Variants in NALF1 observed in about 807,000 individuals in gnomAD.
The protein encoded by NALF1 is NALCN channel auxiliary factor 1, also known as family with sequence similarity 155 member A.
NALF1 carries 3 observed loss-of-function variants against 48.4 expected under a neutral mutation model. That is an observed-to-expected ratio of 0.06 (90% CI 0.03 to 0.16). The LOEUF (loss-of-function observed/expected upper bound fraction) is 0.16, where lower values mean the gene tolerates loss of function less well. Ranked by LOEUF, NALF1 falls within the 10% of genes least tolerant of loss-of-function variation. The pLI is 1.00. For missense variants in NALF1, 526 were observed against 571.5 expected (o/e 0.92, Z 0.81); for synonymous variants, 262 against 245.7 (o/e 1.07, Z -0.62).
At chr13:107,848,308 C>T (rs908234255) in intron 1 of NALF1, among the ~76,000 whole-genome samples, 4 of 152,076 alleles carry the variant, frequency 2.6e-5, no homozygotes, top group African/African-American at 9.7e-5. Context: ...TTTTAATATA[C>T]GCATGAAAAT....
In NALF1 at chr13:107,476,758, T is replaced by C. The variant is rs552827167; in HGVS notation, c.916-266003A>G. On this transcript the variant is annotated intron_variant, in intron 1 of 2. Coordinates refer to ENST00000375915, the MANE Select transcript of NALF1 (RefSeq NM_001080396.3). Reference sequence around the variant, plus strand: ...TATAGATTTATATGGGAATCCTTAATGGACTCACCTAGTAGAAATTCTCTG... The same window carrying C: ...TATAGATTTATATGGGAATCCTTAACGGACTCACCTAGTAGAAATTCTCTG... Among the ~76,000 whole-genome samples the C allele has an allele frequency of 7.9e-5, 12 of 152,198 alleles. No homozygotes were observed. The South Asian group carries it at 2.5e-3, about 32-fold the overall frequency.
intron 1 of NALF1, among the ~76,000 whole-genome samples, chr13:107,232,893 G>A (rs576334816): frequency 6.6e-6 from 1 of 152,314 alleles, no homozygotes; most frequent in East Asian, 1.9e-4. Context: ...AGTAGGCAGT[G>A]TTGCTTTCCC....
At chr13:107,410,421 T>G (rs1353236477) in intron 1 of NALF1, among the ~76,000 whole-genome samples, 1 of 152,136 alleles carries the variant, frequency 6.6e-6, no homozygotes, top group Non-Finnish European at 1.5e-5. Flanking sequence ...AAACCAAGAA[T>G]CCGTACCTTC....
At chr13:107,425,230 T>G (rs1360439541) in intron 1 of NALF1, among the ~76,000 whole-genome samples, 3 of 152,162 alleles carry the variant, frequency 2.0e-5, no homozygotes, top group African/African-American at 7.2e-5. Context: ...ACAACTCAGT[T>G]GTGGGTGAAA....
Position 107,786,734 on chromosome 13 carries a change from G to GA in NALF1, c.915+78947dup, listed in dbSNP as rs1361695658. On this transcript the variant is annotated intron_variant, in intron 1 of 2. Transcript: ENST00000375915. ...GCAACAAGAGAGAAACCCCATCTCAGAAAAAAAAAGAGAGAGAGAGAAAGA... is the reference window on the plus strand; with the variant it reads ...GCAACAAGAGAGAAACCCCATCTCAGAAAAAAAAAAGAGAGAGAGAGAAAGA... Among the ~76,000 whole-genome samples, 131 of 149,550 alleles carry GA rather than the reference G, an allele frequency of 8.8e-4. 1 individual carries two copies. Among genetic ancestry groups the GA allele is most frequent in the African/African-American group, 2.2e-3 (89 of 40,720 alleles).
At chr13:107,443,151 ATTAT>A (rs1338009012) in intron 1 of NALF1, among the ~76,000 whole-genome samples, 3 of 150,976 alleles carry the variant, frequency 2.0e-5, no homozygotes, top group Admixed American at 6.6e-5. Flanking sequence ...ACATAAATTT[ATTAT>A]TTATTTATCT....
intron 1 of NALF1, among the ~76,000 whole-genome samples, chr13:107,836,152 G>T (rs143510399): frequency 6.6e-6 from 1 of 151,954 alleles, no homozygotes; most frequent in Non-Finnish European, 1.5e-5. Flanking sequence ...CACCATGCTC[G>T]ACTAATTTTT....
intron 1 of NALF1, among the ~76,000 whole-genome samples, chr13:107,784,591 C>T (rs577174972): frequency 4.6e-5 from 7 of 152,048 alleles, no homozygotes; most frequent in Non-Finnish European, 7.4e-5. Flanking sequence ...GGGCTAAGGA[C>T]ATGAATAGAC....
chr13:107,335,063 ACGG>A (rs1882531685), intron 1 of NALF1, among the ~76,000 whole-genome samples: 2 of 152,248 alleles, frequency 1.3e-5, no homozygotes, highest in East Asian at 3.9e-4. Context: ...CCTCAATACC[ACGG>A]TCAGGATGAA....
rs182456080 is a variant in NALF1, at chr13:107,598,713, G to A, written c.915+266969C>T. Among the ~76,000 whole-genome samples, 243 of 152,138 alleles carry A rather than the reference G, an allele frequency of 1.6e-3. 1 individual carries two copies. The highest frequency in any genetic ancestry group is 5.5e-3 in the African/African-American group (227 of 41,506). On this transcript the variant is annotated intron_variant, in intron 1 of 2. Transcript: ENST00000375915. Reference sequence around the variant, plus strand: ...CTTCTGCATAGGATCATCTTTCTTCGTGTCATTTCATGGTTTGCACTCTTA... The same window carrying A: ...CTTCTGCATAGGATCATCTTTCTTCATGTCATTTCATGGTTTGCACTCTTA...
intron 1 of NALF1, among the ~76,000 whole-genome samples, chr13:107,452,535 A>T (rs940330664): frequency 4.6e-5 from 7 of 152,136 alleles, no homozygotes; most frequent in Non-Finnish European, 8.8e-5. Flanking sequence ...TCATGATTAA[A>T]TTACCTCCAC....
intron 1 of NALF1, among the ~76,000 whole-genome samples, chr13:107,590,810 A>G (rs1878583646): frequency 2.0e-5 from 3 of 151,966 alleles, no homozygotes; most frequent in African/African-American, 7.2e-5. Flanking sequence ...CACCTTTCTC[A>G]TGTACAGTTT....
chr13:107,197,622 T>C (rs1459260245), intron 2 of NALF1, among the ~76,000 whole-genome samples: 1 of 152,246 alleles, frequency 6.6e-6, no homozygotes, highest in African/African-American at 2.4e-5. Flanking sequence ...CCCTTCAGGC[T>C]GAGGCTAGCA....
At chr13:107,785,879 C>T (rs543031236) in intron 1 of NALF1, among the ~76,000 whole-genome samples, 1 of 152,202 alleles carries the variant, frequency 6.6e-6, no homozygotes, top group African/African-American at 2.4e-5. Context: ...ACAGAGGACA[C>T]TCAAATTGGG....
intron 1 of NALF1, among the ~76,000 whole-genome samples, chr13:107,592,279 A>T (rs1442773403): frequency 6.6e-6 from 1 of 151,952 alleles, no homozygotes; most frequent in Non-Finnish European, 1.5e-5. Context: ...AAAACTAGTT[A>T]AACTTCAAAT....
chr13:107,558,611 G>A lies in NALF1; in HGVS notation c.915+307071C>T, dbSNP rs190544329. On this transcript the variant is annotated intron_variant, in intron 1 of 2. Coordinates refer to ENST00000375915, the MANE Select transcript of NALF1 (RefSeq NM_001080396.3). ...GGCTTGAACTGGAATTTGGTTTGACGAGGTAGAGGTGGTGGAAGACATCCG... is the reference window on the plus strand; with the variant it reads ...GGCTTGAACTGGAATTTGGTTTGACAAGGTAGAGGTGGTGGAAGACATCCG... Among the ~76,000 whole-genome samples, 162 of 152,260 alleles carry A rather than the reference G, an allele frequency of 1.1e-3. 1 individual carries two copies. The highest frequency in any genetic ancestry group is 3.7e-3 in the African/African-American group (154 of 41,552).
chr13:107,710,781 GTATATACACATATATGTA>G (rs1399421681), intron 1 of NALF1, among the ~76,000 whole-genome samples: 1 of 147,288 alleles, frequency 6.8e-6, no homozygotes, highest in Non-Finnish European at 1.5e-5. Flanking sequence ...ACATATGTGT[GTATATACACATATATGTA>G]TATATACATA....
chr13:107,798,106 T>C (rs1878489074), intron 1 of NALF1, among the ~76,000 whole-genome samples: 1 of 152,220 alleles, frequency 6.6e-6, no homozygotes, highest in East Asian at 1.9e-4. Context: ...GGATTCATAA[T>C]TTTCCCCATG....
chr13:107,279,146 C>A (rs972819864), intron 1 of NALF1, among the ~76,000 whole-genome samples: 1 of 149,674 alleles, frequency 6.7e-6, no homozygotes, highest in South Asian at 2.1e-4. Context: ...TTAATTTGAG[C>A]TCTAATTTTC....
Sources: allele counts gnomAD v4.1 joint callset (sites outside exome capture counted in the v4.1 genomes callset), GRCh38; gene constraint gnomAD v4.1.1; transcripts MANE v1.5; gene names NCBI Gene and HGNC (gene_info 2026-07-23, HGNC 2026-07-21).